Variants in SIK3 observed in about 807,000 individuals in gnomAD.
SIK3 encodes serine/threonine-protein kinase SIK3.
SIK3 carries 28 observed loss-of-function variants against 144.2 expected under a neutral mutation model. That is an observed-to-expected ratio of 0.19 (90% confidence interval 0.14 to 0.27). The LOEUF is 0.27. Ranked by LOEUF, SIK3 falls within the 10% of genes least tolerant of loss-of-function variation. SIK3 has a pLI of 1.00. For missense variants in SIK3, 1,319 were observed against 1,776.0 expected, an observed-to-expected ratio of 0.74 and a Z score of 4.62; for synonymous variants, 686 against 676.3, an observed-to-expected ratio of 1.01 and a Z score of -0.22.
intron 19 of SIK3, among the ~76,000 whole-genome samples, chr11:116,859,987 C>G (rs1179929119): frequency 6.6e-6 from 1 of 152,168 alleles, no homozygotes; most frequent in Non-Finnish European, 1.5e-5. Context: ...GTGGCTCACA[C>G]CTGTAATCCC....
intron 1 of SIK3, among the ~76,000 whole-genome samples, chr11:117,031,754 G>A (rs918436537): frequency 9.1e-5 from 13 of 142,612 alleles, no homozygotes; most frequent in East Asian, 4.0e-4. Flanking sequence ...TGTTGGTCAG[G>A]CTGGTTTCGA....
At chr11:116,989,710 G>A (rs1048988736) in intron 1 of SIK3, among the ~76,000 whole-genome samples, 6 of 152,084 alleles carry the variant, frequency 3.9e-5, no homozygotes, top group African/African-American at 1.4e-4. Context: ...CCCTGACTGG[G>A]AGTTCCTATG....
intron 1 of SIK3, among the ~76,000 whole-genome samples, chr11:116,967,023 A>G (rs550587470): frequency 2.0e-5 from 3 of 149,450 alleles, no homozygotes; most frequent in Non-Finnish European, 4.4e-5. Flanking sequence ...AAGAAAAAGA[A>G]AAAGAAAAAG....
chr11:116,911,723 C>T (rs1356856824), intron 4 of SIK3, among the ~76,000 whole-genome samples: 2 of 152,112 alleles, frequency 1.3e-5, no homozygotes, highest in African/African-American at 4.8e-5. Flanking sequence ...TATTCTATAA[C>T]TAAAATTTTT....
intron 3 of SIK3, among the ~76,000 whole-genome samples, chr11:116,938,286 A>AC (rs1948043106): frequency 1.1e-5 from 1 of 92,390 alleles, no homozygotes; most frequent in East Asian, 3.9e-4. Context: ...AGAGGAGAGG[A>AC]GAGGAGAGGA....
chr11:116,986,071 A>G (rs1320541012), intron 1 of SIK3, among the ~76,000 whole-genome samples: 2 of 152,200 alleles, frequency 1.3e-5, no homozygotes, highest in Non-Finnish European at 2.9e-5. Context: ...AAAAAAGTCA[A>G]CATAATTGTG....
At chr11:116,918,397 C>T (rs1946783765) in intron 4 of SIK3, among the ~76,000 whole-genome samples, 1 of 152,044 alleles carries the variant, frequency 6.6e-6, no homozygotes, top group Non-Finnish European at 1.5e-5. Context: ...CCACCCCCAC[C>T]CCCACAAGAC....
chr11:116,924,815 C>T lies in SIK3; in HGVS notation c.616+2404G>A, dbSNP rs1287928695. ...GCTGGTCAGTGCAGAGTGGGTGGTG[C>T]GTGTCCAGAGGGCCTTCTTTTAATT... On this transcript the variant is annotated intron_variant, in intron 4 of 24. Coordinates refer to ENST00000445177, the MANE Select transcript of SIK3 (RefSeq NM_001366686.3). 2.0e-5 allele frequency among the ~76,000 whole-genome samples: 3 copies of T among 152,276 alleles called. No individual in the cohort carries two copies. The South Asian group carries it at 6.2e-4, about 32-fold the overall frequency.
At chr11:117,071,123 A>G (rs1393646563) in intron 1 of SIK3, among the ~76,000 whole-genome samples, 2 of 151,984 alleles carry the variant, frequency 1.3e-5, no homozygotes, top group African/African-American at 4.8e-5. Context: ...AAGTCCCAAG[A>G]GCTACTAGTA....
intron 1 of SIK3, among the ~76,000 whole-genome samples, chr11:116,989,142 T>A (rs959533234): frequency 2.0e-5 from 3 of 151,966 alleles, no homozygotes; most frequent in African/African-American, 7.2e-5. Context: ...CAGTTTAAAC[T>A]TTAAATGCAG....
chr11:117,079,003 A>C (rs1246755365), intron 1 of SIK3, among the ~76,000 whole-genome samples: 1 of 149,460 alleles, frequency 6.7e-6, no homozygotes, highest in Non-Finnish European at 1.5e-5. Context: ...AAAAAAAAAA[A>C]CTCTTTACAC....
At chr11:116,970,192 G>C (rs1949717721) in intron 1 of SIK3, among the ~76,000 whole-genome samples, 1 of 152,184 alleles carries the variant, frequency 6.6e-6, no homozygotes, top group African/African-American at 2.4e-5. Flanking sequence ...CACAAGAACT[G>C]CTTGAGCTCC....
chr11:117,046,181 C>A (rs1952955634), intron 1 of SIK3, among the ~76,000 whole-genome samples: 1 of 152,222 alleles, frequency 6.6e-6, no homozygotes, highest in Non-Finnish European at 1.5e-5. Context: ...TAAACTACCA[C>A]TCAAGGGTCA....
At position 116,933,387 on chromosome 11, in the gene SIK3, C is replaced by T. The variant is rs932857001; in HGVS notation, c.455-6007G>A. On this transcript the variant is annotated intron_variant, in intron 3 of 24. Transcript: ENST00000445177. ...AACTCCTGACCTCGTGCTCCACCCG[C>T]CTCAGCCCCCCAAAGTGCTGGGATT... Among the ~76,000 whole-genome samples, 22 of 152,292 alleles carry T rather than the reference C, an allele frequency of 1.4e-4. No individual in the cohort carries two copies. In the South Asian group the frequency reaches 2.7e-3, roughly 19 times the overall value.
intron 1 of SIK3, among the ~76,000 whole-genome samples, chr11:117,033,720 A>G (rs1167593116): frequency 6.6e-6 from 1 of 151,368 alleles, no homozygotes; most frequent in Non-Finnish European, 1.5e-5. Flanking sequence ...AAAAAAAAAA[A>G]AAAAGAAAGA....
chr11:116,875,930 A>G lies in SIK3; in HGVS notation c.1175T>C (p.Leu392Pro). ...LCDRHKRHKT[L>P]RLGALPSMPR... The stretch of plus-strand genomic sequence containing the variant: ...CATGCTAGGAAGTGCTCCGAGACGC[A>G]GGGTTTTATGTCTCTTATGTCGATC... Residue 392 changes from leucine (L) to proline (P), a missense_variant, in exon 9 of 25, where the codon CTG (leucine) becomes CCG (proline). Physicochemically the swap from Leu to Pro is moderately conservative, Grantham distance 98 (BLOSUM62 -3). Around this residue, in one of 8 missense-constraint regions of SIK3, gnomAD observed 109 missense variants for 109.3 expected, o/e 1.00. Transcript: ENST00000445177. 1 of 1,613,300 alleles carries G rather than the reference A, an allele frequency of 6.2e-7. No homozygotes were observed. The highest frequency in any genetic ancestry group is 8.5e-7 in the Non-Finnish European group (1 of 1,179,818).
rs1280597975 is a variant in SIK3, at chr11:116,846,303, A to G, written c.*13+80T>C. ...TCGACTGCACTGGCCACCACAACAC[A>G]TGGGCTGAAGCTCCTGATGGGATTG... is the stretch of plus-strand genomic sequence containing the variant. On this transcript the variant is annotated intron_variant, in intron 24 of 24. Coordinates refer to ENST00000445177, the MANE Select transcript of SIK3 (RefSeq NM_001366686.3). This position sits in a 1 kb window ranked among gnomAD's most constrained non-coding sequence, Gnocchi z 4.1. 6.8e-7 allele frequency: 1 copy of G among 1,469,866 alleles called. No individual in the cohort carries two copies. Among genetic ancestry groups the G allele is most frequent in the Non-Finnish European group, 9.3e-7 (1 of 1,070,888 alleles). 91.1% of individuals were successfully genotyped at this position (1,469,866 alleles called of 1,614,324 possible).
chr11:117,086,415 G>C (rs916453727), intron 1 of SIK3, among the ~76,000 whole-genome samples: 4 of 152,220 alleles, frequency 2.6e-5, no homozygotes, highest in Admixed American at 2.6e-4. Flanking sequence ...TGGTAGGCTG[G>C]GTGCAGTGGC....
Position 116,968,140 on chromosome 11 carries a change from G to T in SIK3, c.274-11076C>A, listed in dbSNP as rs11216203. Among the ~76,000 whole-genome samples the T allele has an allele frequency of 9.0e-3, 1,375 of 151,946 alleles. 16 individuals are homozygous for T. Among genetic ancestry groups the T allele is most frequent in the African/African-American group, 0.025 (1,027 of 41,430 alleles). ...CATTAATTAATTCTTAAATTTCTGGGTTTTTTTGTTTTTGTTTTTTGAGAT... is the reference window on the plus strand; with the variant it reads ...CATTAATTAATTCTTAAATTTCTGGTTTTTTTTGTTTTTGTTTTTTGAGAT... On this transcript the variant is annotated intron_variant, in intron 1 of 24. Coordinates refer to ENST00000445177, the MANE Select transcript of SIK3 (RefSeq NM_001366686.3).
Sources: gnomAD v4.1 joint callset for allele counts (sites outside exome capture counted in the v4.1 genomes callset) on GRCh38, gnomAD v4.1.1 for gene constraint, gnomAD v4.1.1 regional missense constraint, Gnocchi (gnomAD v3.1) non-coding constraint, MANE v1.5 for transcripts, NCBI Gene and HGNC (gene_info 2026-07-23, HGNC 2026-07-21) for gene names.